Variants in RGS9 observed in about 807,000 individuals in gnomAD.
RGS9 encodes the protein regulator of G-protein signalling 9.
A neutral mutation model predicts 102.0 loss-of-function variants in RGS9; 78 were observed. The observed-to-expected ratio is 0.76, with a 90% CI of 0.64 to 0.92. RGS9 has a LOEUF of 0.92. RGS9 is among the 40% of genes least tolerant of loss of function. The pLI, the probability that RGS9 is intolerant of heterozygous loss-of-function variation, is 0.00. For missense variants in RGS9, 833 were observed against 866.1 expected (o/e 0.96, Z 0.48); for synonymous variants, 353 against 318.6 (o/e 1.11, Z -1.15).
chr17:65,158,923 G>A (rs1369446491), intron 3 of RGS9: 1 of 232,652 alleles, frequency 4.3e-6, no homozygotes, highest in African/African-American at 2.3e-5. Flanking sequence ...CCCAAGCTAA[G>A]CCATCATATC....
intron 8 of RGS9, among the ~76,000 whole-genome samples, chr17:65,174,282 C>T (rs1288168856): frequency 1.3e-5 from 2 of 152,220 alleles, no homozygotes. Context: ...CAGATGACCA[C>T]ACCGAAGTCA....
In RGS9 at chr17:65,224,094, C is replaced by T. The variant is rs536008491; in HGVS notation, c.1408-908C>T. 2.2e-4 allele frequency among the ~76,000 whole-genome samples: 33 copies of T among 152,288 alleles called. 1 individual carries two copies. The highest frequency in any genetic ancestry group is 7.5e-4 in the African/African-American group (31 of 41,566). On this transcript the variant is annotated intron_variant, in intron 17 of 18. Transcript: ENST00000262406. ...TTGATGTGGCTTGGGCCACAGCAGG[C>T]CTTTAGGAGGGAATCCAGCAAACCC...
At chr17:65,148,014 G>C (rs111437194) in intron 1 of RGS9, among the ~76,000 whole-genome samples, 1 of 152,154 alleles carries the variant, frequency 6.6e-6, no homozygotes, top group African/African-American at 2.4e-5. Flanking sequence ...CAGATGTCTA[G>C]AATGTATTCA....
At chr17:65,205,826 G>T (rs893899867) in intron 15 of RGS9, among the ~76,000 whole-genome samples, 5 of 149,806 alleles carry the variant, frequency 3.3e-5, no homozygotes. Context: ...TAGATTATAT[G>T]ATATAGGTTA....
intron 14 of RGS9, 106 bp downstream of exon 14, chr17:65,202,186 G>A: frequency 1.3e-6 from 1 of 767,190 alleles, no homozygotes; most frequent in Non-Finnish European, 2.3e-6. Flanking sequence ...CTGGTAGCTG[G>A]CTGGGCCCTG....
intron 14 of RGS9, among the ~76,000 whole-genome samples, chr17:65,203,436 C>A (rs1431394185): frequency 6.6e-6 from 1 of 152,232 alleles, no homozygotes; most frequent in African/African-American, 2.4e-5. Flanking sequence ...TGCCATTAGA[C>A]CAGTTTCCTT....
chr17:65,186,452 C>T (rs1912127305), intron 9 of RGS9, among the ~76,000 whole-genome samples: 1 of 152,092 alleles, frequency 6.6e-6, no homozygotes, highest in Non-Finnish European at 1.5e-5. Context: ...ATCAGCCTGC[C>T]TCAGCTTCCC....
intron 9 of RGS9, 94 bp from the exon 10 acceptor site, chr17:65,189,192 T>C: frequency 1.9e-6 from 2 of 1,079,610 alleles, no homozygotes; most frequent in South Asian, 2.6e-5. Context: ...TGGGCATTTT[T>C]CTCATGGGGA....
chr17:65,221,035 T>C (rs1444273713), intron 17 of RGS9, among the ~76,000 whole-genome samples: 1 of 152,160 alleles, frequency 6.6e-6, no homozygotes, highest in Non-Finnish European at 1.5e-5. Flanking sequence ...CCAGGCTCCA[T>C]GGGAGGGACC....
chr17:65,176,027 G>T (rs928464725), intron 8 of RGS9, among the ~76,000 whole-genome samples: 2 of 152,226 alleles, frequency 1.3e-5, no homozygotes, highest in African/African-American at 2.4e-5. Flanking sequence ...TCCCATGGAT[G>T]AGGCTGAATT....
intron 7 of RGS9, among the ~76,000 whole-genome samples, chr17:65,166,569 G>C (rs1203552398): frequency 1.3e-5 from 2 of 152,224 alleles, no homozygotes; most frequent in Non-Finnish European, 2.9e-5. Context: ...AGCAAATGCT[G>C]TTGCTGAAAA....
In RGS9 at chr17:65,153,462, G is replaced by C; in HGVS notation, c.98G>C (p.Gly33Ala). 2 of 1,614,184 alleles carry C rather than the reference G, an allele frequency of 1.2e-6. No individual in the cohort carries two copies. Among genetic ancestry groups the C allele is most frequent in the Non-Finnish European group, 1.7e-6 (2 of 1,180,004 alleles). The change falls in exon 2 of 19, where the codon GGG becomes GCG. Residue 33 changes from glycine to alanine, a missense_variant. Physicochemically the swap from Gly to Ala is moderately conservative, Grantham distance 60. Coordinates refer to ENST00000262406, the MANE Select transcript of RGS9 (RefSeq NM_003835.4). ...LVKDMQNPET[G>A]VRMQNQRVLV... is the part of the protein sequence containing the mutation. ...AAGGACATGCAGAACCCAGAGACAG[G>C]GGTCCGAATGCAGAACCAGAGGGTC... is the stretch of plus-strand genomic sequence containing the variant.
chr17:65,148,270 CA>C (rs1339243331), intron 1 of RGS9, among the ~76,000 whole-genome samples: 3 of 152,204 alleles, frequency 2.0e-5, no homozygotes, highest in Non-Finnish European at 2.9e-5. Context: ...GAAAGCCAAA[CA>C]ATGTTCTTTT....
intron 14 of RGS9, among the ~76,000 whole-genome samples, 162 bp from the exon 15 acceptor site, chr17:65,204,001 C>G (rs1295455606): frequency 6.6e-6 from 1 of 152,202 alleles, no homozygotes; most frequent in East Asian, 1.9e-4. Flanking sequence ...AATTGCTTGA[C>G]AACCTCTTCA....
intron 14 of RGS9, among the ~76,000 whole-genome samples, chr17:65,202,805 C>T (rs544836136): frequency 1.3e-5 from 2 of 152,234 alleles, no homozygotes; most frequent in East Asian, 3.9e-4. Context: ...CTGAAAGCCA[C>T]ACTCCCCCTC....
chr17:65,194,627 C>T (rs1366384462), intron 12 of RGS9, among the ~76,000 whole-genome samples: 2 of 152,056 alleles, frequency 1.3e-5, no homozygotes, highest in African/African-American at 4.8e-5. Flanking sequence ...GACCTGCACG[C>T]TTGTGTTATT....
intron 1 of RGS9, among the ~76,000 whole-genome samples, chr17:65,150,274 C>A (rs1181303729): frequency 2.6e-5 from 4 of 152,192 alleles, no homozygotes; most frequent in Non-Finnish European, 5.9e-5. Context: ...AGAACACCCT[C>A]ACCCATGCTC....
intron 1 of RGS9, among the ~76,000 whole-genome samples, chr17:65,143,683 A>G (rs1910243170): frequency 6.6e-6 from 1 of 151,912 alleles, no homozygotes; most frequent in African/African-American, 2.4e-5. Context: ...AGCCCCAGCT[A>G]CTAGGGAGGC....
intron 12 of RGS9, 34 bp downstream of exon 12, chr17:65,193,690 AC>A: frequency 1.5e-6 from 2 of 1,375,128 alleles, no homozygotes; most frequent in Non-Finnish European, 1.0e-6. Flanking sequence ...TTTTTAAAAA[AC>A]CGTTTTTGAG....
Sources: gnomAD v4.1 joint callset for allele counts (sites outside exome capture counted in the v4.1 genomes callset) on GRCh38, gnomAD v4.1.1 for gene constraint, MANE v1.5 for transcripts, NCBI Gene and HGNC (gene_info 2026-07-23, HGNC 2026-07-21) for gene names.